TRAPPC9: variants seen among roughly 807,000 people sequenced by gnomAD.
TRAPPC9 encodes IKK2 binding protein.
In TRAPPC9, 83 loss-of-function variants were observed where a neutral mutation model predicts 124.0. The observed-to-expected ratio is 0.67, with a 90% CI of 0.56 to 0.80. The LOEUF is 0.80. Among genes scored for constraint, TRAPPC9 ranks in the 30% least tolerant of loss-of-function variants. The probability of loss-of-function intolerance (pLI) is 0.00; values close to 1 mark genes in which losing one functional copy is unlikely to be tolerated. For synonymous variants in TRAPPC9, 638 were observed against 617.5 expected (o/e 1.03, Z -0.49); for missense variants, 1,302 against 1,508.3 (o/e 0.86, Z 2.27).
intron 19 of TRAPPC9, among the ~76,000 whole-genome samples, chr8:139,983,629 TG>T (rs1161972159): frequency 6.6e-6 from 1 of 152,192 alleles, no homozygotes; most frequent in Admixed American, 6.5e-5. Flanking sequence ...ATGAACACCC[TG>T]GATATCAAAG....
intron 7 of TRAPPC9, among the ~76,000 whole-genome samples, chr8:140,394,306 C>A (rs1383616669): frequency 6.6e-6 from 1 of 152,200 alleles, no homozygotes; most frequent in African/African-American, 2.4e-5. Context: ...GTCCACCCTC[C>A]ACTGTCACAA....
At chr8:140,018,175 C>T (rs1414058949) in intron 18 of TRAPPC9, among the ~76,000 whole-genome samples, 1 of 151,904 alleles carries the variant, frequency 6.6e-6, no homozygotes, top group Non-Finnish European at 1.5e-5. Context: ...TCTTTCATTT[C>T]TCTTTATCAT....
chr8:140,352,869 G>A (rs936059971), intron 9 of TRAPPC9, among the ~76,000 whole-genome samples: 1 of 152,160 alleles, frequency 6.6e-6, no homozygotes, highest in Non-Finnish European at 1.5e-5. Context: ...GTAACCTTGA[G>A]CAAAAGAACC....
At chr8:140,456,343 C>T (rs1326530637) in intron 1 of TRAPPC9, among the ~76,000 whole-genome samples, 1 of 150,048 alleles carries the variant, frequency 6.7e-6, no homozygotes, top group African/African-American at 2.5e-5. Context: ...ACCCAGGAGG[C>T]GGAGGGTGCA....
chr8:140,261,845 T>C (rs2064426946), intron 15 of TRAPPC9, among the ~76,000 whole-genome samples: 1 of 151,988 alleles, frequency 6.6e-6, no homozygotes, highest in African/African-American at 2.4e-5. Context: ...GAGTGGCTTG[T>C]AATGGAGACA....
At chr8:139,910,071 C>T in intron 20 of TRAPPC9, 76 bp downstream of exon 20, 1 of 1,561,184 alleles carries the variant, frequency 6.4e-7, no homozygotes, top group Non-Finnish European at 8.8e-7. Flanking sequence ...AGCTAAGACC[C>T]TCACGGGTCT....
chr8:140,339,627 C>A (rs1316634695), intron 9 of TRAPPC9, among the ~76,000 whole-genome samples: 1 of 152,178 alleles, frequency 6.6e-6, no homozygotes, highest in South Asian at 2.1e-4. Flanking sequence ...TGAGGAAGAC[C>A]CATAGTCCTT....
chr8:139,874,450 C>A (rs1031811235), intron 21 of TRAPPC9, among the ~76,000 whole-genome samples: 1 of 152,214 alleles, frequency 6.6e-6, no homozygotes, highest in Non-Finnish European at 1.5e-5. Context: ...AGAAAGACAC[C>A]ATGCTGGGGG....
intron 21 of TRAPPC9, among the ~76,000 whole-genome samples, chr8:139,828,884 G>A (rs1825801001): frequency 6.6e-6 from 1 of 152,114 alleles, no homozygotes; most frequent in Admixed American, 6.5e-5. Context: ...TCCGAGGGAG[G>A]GCTCACCCAA....
intron 20 of TRAPPC9, among the ~76,000 whole-genome samples, chr8:139,908,288 A>C (rs1390760212): frequency 2.0e-5 from 3 of 152,198 alleles, no homozygotes; most frequent in African/African-American, 4.8e-5. Context: ...GCTGGCGCTG[A>C]GCTGGGGCTG....
chr8:139,917,905 C>T (rs1027609497), intron 19 of TRAPPC9, among the ~76,000 whole-genome samples: 1 of 152,206 alleles, frequency 6.6e-6, no homozygotes, highest in Non-Finnish European at 1.5e-5. Context: ...GCCCAGCACT[C>T]CCACAGCCAG....
intron 21 of TRAPPC9, among the ~76,000 whole-genome samples, chr8:139,737,553 G>T (rs545866253): frequency 2.1e-5 from 3 of 144,444 alleles, no homozygotes; most frequent in Non-Finnish European, 4.5e-5. Context: ...GCTGGCCCCC[G>T]TCGGGCTTCC....
At chr8:139,763,627 CACGTGCACACAT>C (rs1203337216) in intron 21 of TRAPPC9, among the ~76,000 whole-genome samples, 1 of 151,184 alleles carries the variant, frequency 6.6e-6, no homozygotes, top group African/African-American at 2.4e-5. Context: ...CACACACACA[CACGTGCACACAT>C]GTGCACACAG....
intron 17 of TRAPPC9, among the ~76,000 whole-genome samples, chr8:140,213,794 C>T (rs529454406): frequency 1.3e-5 from 2 of 152,326 alleles, no homozygotes; most frequent in East Asian, 1.9e-4. Context: ...AAACTAGTTT[C>T]GTTAGGATTT....
chr8:140,292,605 T>C (rs2131773558), intron 11 of TRAPPC9, among the ~76,000 whole-genome samples: 1 of 152,324 alleles, frequency 6.6e-6, no homozygotes, highest in Non-Finnish European at 1.5e-5. Flanking sequence ...AGCTGGCATG[T>C]TGACATTGCA....
chr8:140,231,201 C>G (rs768760076), intron 16 of TRAPPC9, among the ~76,000 whole-genome samples: 2 of 152,156 alleles, frequency 1.3e-5, no homozygotes, highest in African/African-American at 4.8e-5. Flanking sequence ...AGGTGCTGCC[C>G]GGCACATGGG....
chr8:140,037,003 C>G (rs1015390694), intron 17 of TRAPPC9, among the ~76,000 whole-genome samples: 5 of 152,070 alleles, frequency 3.3e-5, no homozygotes, highest in Admixed American at 6.6e-5. Flanking sequence ...CCTAGCCCCC[C>G]ACCCCCGACA....
At chr8:140,300,703 A>T in intron 10 of TRAPPC9, 89 bp from the exon 11 acceptor site, 1 of 1,518,894 alleles carries the variant, frequency 6.6e-7, no homozygotes, top group Non-Finnish European at 9.1e-7. Context: ...TATCAGAAAA[A>T]CAGTAAATCA....
At chr8:139,791,605 C>T (rs1406783671) in intron 21 of TRAPPC9, among the ~76,000 whole-genome samples, 2 of 152,114 alleles carry the variant, frequency 1.3e-5, no homozygotes, top group Admixed American at 6.5e-5. Flanking sequence ...CTCACACAGG[C>T]GCCCGTCTCC....
Sources: gnomAD v4.1 joint callset for allele counts (sites outside exome capture counted in the v4.1 genomes callset) on GRCh38, gnomAD v4.1.1 for gene constraint, MANE v1.5 for transcripts, NCBI Gene and HGNC (gene_info 2026-07-23, HGNC 2026-07-21) for gene names.